FAT1: variants seen among roughly 807,000 people sequenced by gnomAD.
The protein encoded by FAT1 is protocadherin Fat 1.
FAT1 carries 171 observed loss-of-function variants against 329.8 expected under a neutral mutation model. The ratio of observed to expected loss-of-function variants is 0.52; its 90% CI spans 0.46 to 0.59. The LOEUF (loss-of-function observed/expected upper bound fraction) is 0.59, where lower values mean the gene tolerates loss of function less well. Ranked by LOEUF, FAT1 falls within the 20% of genes least tolerant of loss-of-function variation. FAT1 has a pLI of 0.00. For missense variants in FAT1, 5,672 were observed against 5,774.4 expected, an observed-to-expected ratio of 0.98 and a Z score of 0.57; for synonymous variants, 2,233 against 2,228.6, an observed-to-expected ratio of 1.00 and a Z score of -0.06.
intron 26 of FAT1, among the ~76,000 whole-genome samples, chr4:186,594,115 G>C (rs1364586376): frequency 1.3e-5 from 2 of 152,004 alleles, no homozygotes; most frequent in African/African-American, 2.4e-5. Context: ...GCCCAGGCTG[G>C]AGTGCAGTGG....
intron 22 of FAT1, among the ~76,000 whole-genome samples, chr4:186,599,148 T>C (rs1200441642): frequency 6.6e-6 from 1 of 152,160 alleles, no homozygotes; most frequent in African/African-American, 2.4e-5. Context: ...GTGTAACTAA[T>C]ATGAGCACAG....
rs186603690 is a variant in FAT1, at chr4:186,677,466, A to G, written c.3266-13853T>C. 3.6e-3 allele frequency among the ~76,000 whole-genome samples: 546 copies of G among 151,430 alleles called. 1 individual carries two copies. The highest frequency in any genetic ancestry group is 6.3e-3 in the Non-Finnish European group (428 of 67,914). ...CAATTTGTAAATGCATATTAATCCC[A>G]TAACTCCCGTTTTCTAAATTCAGGG... On this transcript the variant is annotated intron_variant, in intron 2 of 26. Transcript: ENST00000441802.
At chr4:186,593,292 T>C (rs1164888965) in intron 26 of FAT1, among the ~76,000 whole-genome samples, 1 of 152,248 alleles carries the variant, frequency 6.6e-6, no homozygotes, top group Admixed American at 6.5e-5. Context: ...GGTGAGCTAA[T>C]GTACGAGTAT....
In FAT1 at chr4:186,608,341, CAAT is replaced by C. The variant is rs1213550081; in HGVS notation, c.10206+839_10206+841del. 1.7e-4 allele frequency among the ~76,000 whole-genome samples: 26 copies of C among 152,226 alleles called. No homozygotes were observed. The East Asian group carries it at 4.8e-3, about 28-fold the overall frequency. On this transcript the variant is annotated intron_variant, in intron 16 of 26. Transcript: ENST00000441802. ...TATAGTACCTAATACAGTATCAATG[CAAT>C]GTAAATGGTTGTTATACTGCGGGTC...
rs1742278977 is a variant in FAT1, at chr4:186,663,499, A to G, written c.3380T>C (p.Ile1127Thr). 2 of 1,612,760 alleles carry G rather than the reference A, an allele frequency of 1.2e-6. No homozygotes were observed. The highest frequency in any genetic ancestry group is 1.3e-5 in the African/African-American group (1 of 74,556). ...ATTGTCATTGACATCCTCAACCTCTATGTAGATCTCTATGAACGATGAAAG... is the reference window on the plus strand; with the variant it reads ...ATTGTCATTGACATCCTCAACCTCTGTGTAGATCTCTATGAACGATGAAAG... ...VPLSSFIEIYIEVEDVNDNAP... is the reference protein window; with the variant it reads ...VPLSSFIEIYTEVEDVNDNAP... Residue 1127 changes from isoleucine to threonine, a missense_variant, in exon 3 of 27, where the codon ATA (isoleucine) becomes ACA (threonine). Ile to Thr is a moderately conservative substitution (Grantham distance 89). Transcript: ENST00000441802.
In FAT1 at chr4:186,628,631, T is replaced by C; in HGVS notation, c.4456A>G (p.Lys1486Glu). ...LQISAVDQDE[K>E]NKLIYTLQSS... ...TGCAGAGTGTAGATTAGTTTGTTTT[T>C]CTCATCCTGATCCACAGCACTGATT... The change falls in exon 8 of 27, where the codon AAA becomes GAA. Residue 1486 changes from lysine to glutamate, a missense_variant. Physicochemically the swap from Lys to Glu is moderately conservative, Grantham distance 56 (BLOSUM62 1). Around this residue, in one of 2 missense-constraint regions of FAT1, gnomAD observed 3,966 missense variants for 3,915.2 expected, o/e 1.01. Transcript: ENST00000441802. 2 of 1,613,466 alleles carry C rather than the reference T, an allele frequency of 1.2e-6. No homozygotes were observed. The highest frequency in any genetic ancestry group is 2.2e-5 in the South Asian group (2 of 91,050).
chr4:186,597,251 G>A (rs1282565292), intron 24 of FAT1, 80 bp from the exon 25 acceptor site: 1 of 1,381,998 alleles, frequency 7.2e-7, no homozygotes, highest in Non-Finnish European at 9.6e-7. Flanking sequence ...AGAGACTGAA[G>A]ACTAATCCCT....
Position 186,642,564 on chromosome 4 carries a change from T to C in FAT1, c.3581-2781A>G, listed in dbSNP as rs139348811. ...GAAAATGATACAAATCCACAGCCCA[T>C]AAGTGAGCCAACAGAGAATGCGTTA... On this transcript the variant is annotated intron_variant, in intron 3 of 26. Transcript: ENST00000441802. 1.2e-4 allele frequency among the ~76,000 whole-genome samples: 19 copies of C among 152,266 alleles called. No homozygotes were observed. In the East Asian group the frequency reaches 3.7e-3, roughly 29 times the overall value.
At chr4:186,609,110 A>G in intron 16 of FAT1, 73 bp downstream of exon 16, 1 of 1,550,704 alleles carries the variant, frequency 6.4e-7, no homozygotes, top group Non-Finnish European at 8.7e-7. Context: ...CGCCCAGCAG[A>G]CAAGAGCACA....
chr4:186,668,314 C>A (rs1257968069), intron 2 of FAT1, among the ~76,000 whole-genome samples: 2 of 152,044 alleles, frequency 1.3e-5, no homozygotes, highest in East Asian at 3.9e-4. Flanking sequence ...AGAGGCAAGA[C>A]GAAGGTCCAG....
chr4:186,641,732 C>T (rs974479569), intron 3 of FAT1, among the ~76,000 whole-genome samples: 4 of 152,150 alleles, frequency 2.6e-5, no homozygotes, highest in Non-Finnish European at 4.4e-5. Flanking sequence ...AAAGGCTGGG[C>T]ATGGTGGCTC....
Position 186,618,900 on chromosome 4 carries a change from T to C in FAT1, c.7686A>G (p.Lys2562=), listed in dbSNP as rs1482391659. The change falls in exon 10 of 27, where the codon AAA becomes AAG. Residue 2562 remains lysine (K), a synonymous_variant. Transcript: ENST00000441802. ...EKLDRETPAE[K]VISVRLMAKD... is the part of the protein sequence containing the mutation. ...TAGCCATTAAACGGACTGAGATCAC[T>C]TTCTCCGCCGGGGTTTCTCGATCAA... 3 of 1,613,900 alleles carry C rather than the reference T, an allele frequency of 1.9e-6. No individual in the cohort carries two copies. The highest frequency in any genetic ancestry group is 2.2e-5 in the South Asian group (2 of 91,092).
intron 3 of FAT1, among the ~76,000 whole-genome samples, chr4:186,655,824 T>G (rs1316999206): frequency 6.6e-6 from 1 of 152,216 alleles, no homozygotes; most frequent in Non-Finnish European, 1.5e-5. Flanking sequence ...TATAAAAAGA[T>G]GAGGAAAAAA....
At chr4:186,645,404 TATATATATATATA>T (rs1192461790) in intron 3 of FAT1, among the ~76,000 whole-genome samples, 1 of 104,212 alleles carries the variant, frequency 9.6e-6, no homozygotes, top group African/African-American at 3.7e-5. Context: ...TATATATATA[TATATATATATATA>T]TATATGCCTG....
At chr4:186,615,708 C>A (rs937307967) in intron 11 of FAT1, among the ~76,000 whole-genome samples, 2 of 152,190 alleles carry the variant, frequency 1.3e-5, no homozygotes, top group Non-Finnish European at 2.9e-5. Flanking sequence ...TGGCACTGCA[C>A]TGGTGTCCTC....
chr4:186,682,651 T>C (rs1199264010), intron 2 of FAT1, among the ~76,000 whole-genome samples: 1 of 152,144 alleles, frequency 6.6e-6, no homozygotes, highest in Non-Finnish European at 1.5e-5. Flanking sequence ...GTTTTTAAAG[T>C]AGTTAAAACA....
chr4:186,702,420 G>A (rs994437940), intron 2 of FAT1, among the ~76,000 whole-genome samples: 5 of 152,124 alleles, frequency 3.3e-5, no homozygotes, highest in Admixed American at 6.5e-5. Flanking sequence ...GGAAACACTC[G>A]TCCTGGGCTG....
In FAT1 at chr4:186,619,020, A is replaced by G. The variant is rs1739877846; in HGVS notation, c.7566T>C (p.Gly2522=). ...TATGGTAAGTAACGTGACCATAAAT[A>G]CCAGAATCCCCATCCGTAGTTTTCA... ...MEVKTTDGDS[G]IYGHVTYHIV... Residue 2522 remains glycine, a synonymous_variant, in exon 10 of 27, where the codon GGT becomes GGC. Transcript: ENST00000441802. 6.2e-7 allele frequency: 1 copy of G among 1,613,918 alleles called. No homozygotes were observed. Among genetic ancestry groups the G allele is most frequent in the Admixed American group, 1.7e-5 (1 of 60,004 alleles).
Position 186,603,673 on chromosome 4 carries a change from T to G in FAT1, c.10853A>C (p.Asp3618Ala), listed in dbSNP as rs2126431642. 6.2e-7 allele frequency: 1 copy of G among 1,613,994 alleles called. No homozygotes were observed. The highest frequency in any genetic ancestry group is 8.5e-7 in the Non-Finnish European group (1 of 1,179,892). Reference protein sequence around the residue: ...GQYLLNVSVTDGKFTTVADIT... With the variant: ...GQYLLNVSVTAGKFTTVADIT... ...GTCGGCCACCGTCGTGAACTTCCCA[T>G]CTGTTACGCTGACATTGAGAAGGTA... is the stretch of plus-strand genomic sequence containing the variant. Residue 3618 changes from aspartate to alanine, a missense_variant, in exon 19 of 27, where the codon GAT (aspartate) becomes GCT (alanine). Physicochemically the swap from Asp to Ala is moderately radical, Grantham distance 126. Coordinates refer to ENST00000441802, the MANE Select transcript of FAT1 (RefSeq NM_005245.4).
Sources: allele counts gnomAD v4.1 joint callset (sites outside exome capture counted in the v4.1 genomes callset), GRCh38; gene constraint gnomAD v4.1.1; regional missense constraint gnomAD v4.1.1; transcripts MANE v1.5; gene names NCBI Gene and HGNC (gene_info 2026-07-23, HGNC 2026-07-21).